Variants in TMEM117 observed in about 807,000 individuals in gnomAD.
TMEM117 encodes transmembrane protein 117.
TMEM117 carries 27 observed loss-of-function variants against 52.4 expected under a neutral mutation model. The ratio of observed to expected loss-of-function variants is 0.51; its 90% CI spans 0.38 to 0.71. The LOEUF (loss-of-function observed/expected upper bound fraction) is 0.71. Among genes scored for constraint, TMEM117 ranks in the 30% least tolerant of loss-of-function variants. The pLI is 0.00. For missense variants in TMEM117, 556 were observed against 630.5 expected, an observed-to-expected ratio of 0.88 and a Z score of 1.26; for synonymous variants, 215 against 206.3, an observed-to-expected ratio of 1.04 and a Z score of -0.36.
At chr12:44,016,573 G>T (rs1265528568) in intron 3 of TMEM117, among the ~76,000 whole-genome samples, 3 of 152,080 alleles carry the variant, frequency 2.0e-5, no homozygotes, top group Non-Finnish European at 1.5e-5. Context: ...TTCAATCAAT[G>T]AGTGTTTTAA....
chr12:44,027,199 A>ATTTTATTTTT (rs1199295546), intron 3 of TMEM117, among the ~76,000 whole-genome samples: 1 of 113,838 alleles, frequency 8.8e-6, no homozygotes, highest in Admixed American at 9.4e-5. Flanking sequence ...ATTTTATTTT[A>ATTTTATTTTT]ATTAGAGATG....
the TMEM117 span, among the ~76,000 whole-genome samples, chr12:44,395,773 G>A: frequency 6.6e-6 from 1 of 152,284 alleles, no homozygotes; most frequent in Non-Finnish European, 1.5e-5. Flanking sequence ...GATGCTGTAA[G>A]AATTTTCAGG....
intron 3 of TMEM117, among the ~76,000 whole-genome samples, chr12:44,024,839 T>G (rs1946507918): frequency 6.6e-6 from 1 of 152,198 alleles, no homozygotes; most frequent in Admixed American, 6.5e-5. Flanking sequence ...TATGTATATC[T>G]ACATATATAT....
chr12:44,278,560 T>C (rs1465598524), intron 5 of TMEM117, among the ~76,000 whole-genome samples: 2 of 152,238 alleles, frequency 1.3e-5, no homozygotes, highest in Non-Finnish European at 2.9e-5. Flanking sequence ...TGTTCCTCAA[T>C]GTGAGCTCTC....
At chr12:44,296,403 A>G (rs189283958) in intron 5 of TMEM117, among the ~76,000 whole-genome samples, 2 of 152,248 alleles carry the variant, frequency 1.3e-5, no homozygotes, top group African/African-American at 2.4e-5. Flanking sequence ...GTCACAGACA[A>G]ATGTACCTCC....
At chr12:44,025,446 C>G (rs10880616) in intron 3 of TMEM117, among the ~76,000 whole-genome samples, 29,493 of 151,952 alleles carry the variant, frequency 0.19, 4,482 homozygotes, top group African/African-American at 0.43. Context: ...AAAATAAACT[C>G]TATAGGTTAA....
chr12:43,884,356 A>G (rs943496048), intron 2 of TMEM117, among the ~76,000 whole-genome samples: 5 of 152,070 alleles, frequency 3.3e-5, no homozygotes, highest in African/African-American at 1.2e-4. Flanking sequence ...ATTATTTATT[A>G]GGTAAATCTC....
chr12:44,363,452 A>G (rs1412485544), intron 6 of TMEM117, among the ~76,000 whole-genome samples: 1 of 152,198 alleles, frequency 6.6e-6, no homozygotes, highest in Admixed American at 6.5e-5. Flanking sequence ...TCATTTAAGT[A>G]ACTTTAAAGG....
chr12:44,132,127 A>G (rs889022032), intron 3 of TMEM117, among the ~76,000 whole-genome samples: 2 of 150,434 alleles, frequency 1.3e-5, no homozygotes, highest in Admixed American at 1.3e-4. Context: ...GAATTTGGCC[A>G]TTTCACTGGG....
At chr12:44,298,107 G>A (rs1040760716) in intron 5 of TMEM117, among the ~76,000 whole-genome samples, 3 of 150,290 alleles carry the variant, frequency 2.0e-5, no homozygotes, top group Non-Finnish European at 2.9e-5. Flanking sequence ...AACATAAGAA[G>A]TGTTTCTTTA....
At chr12:44,345,205 A>G (rs991205098) in intron 6 of TMEM117, among the ~76,000 whole-genome samples, 3 of 152,064 alleles carry the variant, frequency 2.0e-5, no homozygotes, top group African/African-American at 4.8e-5. Flanking sequence ...ACTCACTGTC[A>G]GAAGGACTGT....
chr12:43,862,221 T>G (rs995028230), intron 2 of TMEM117, among the ~76,000 whole-genome samples: 27 of 152,140 alleles, frequency 1.8e-4, no homozygotes, highest in Non-Finnish European at 2.5e-4. Flanking sequence ...CAGGCTGGAG[T>G]GCAGTGGTGT....
Position 44,165,534 on chromosome 12 carries a change from A to AG in TMEM117, c.510+21911dup, listed in dbSNP as rs1948954501. Among the ~76,000 whole-genome samples, 3 of 152,342 alleles carry AG rather than the reference A, an allele frequency of 2.0e-5. No individual in the cohort carries two copies. In the South Asian group the frequency reaches 6.2e-4, roughly 32 times the overall value. ...ACACTGAAAGTGAAATGATGGAAAAAGATACTCCACACAAATGAAAACTAA... is the reference window on the plus strand; with the variant it reads ...ACACTGAAAGTGAAATGATGGAAAAAGGATACTCCACACAAATGAAAACTAA... On this transcript the variant is annotated intron_variant, in intron 4 of 7. Transcript: ENST00000266534.
At position 44,368,905 on chromosome 12, in the gene TMEM117, A is replaced by G. The variant is rs1461942186; in HGVS notation, c.769-7690A>G. Among the ~76,000 whole-genome samples, 7 of 152,102 alleles carry G rather than the reference A, an allele frequency of 4.6e-5. No homozygotes were observed. In the East Asian group the frequency reaches 9.6e-4, roughly 21 times the overall value. ...TATATAGTTAACTTTCATTCTTCTT[A>G]AGAACTGCCCACTAGATCAAGTTGT... On this transcript the variant is annotated intron_variant, in intron 6 of 7. Transcript: ENST00000266534.
At chr12:43,963,651 C>T (rs1945439892) in intron 3 of TMEM117, among the ~76,000 whole-genome samples, 1 of 152,144 alleles carries the variant, frequency 6.6e-6, no homozygotes, top group South Asian at 2.1e-4. Context: ...CATAGCCATA[C>T]AATGAGTGAT....
At chr12:44,215,850 C>T (rs895240879) in intron 5 of TMEM117, among the ~76,000 whole-genome samples, 2 of 151,976 alleles carry the variant, frequency 1.3e-5, no homozygotes, top group Non-Finnish European at 2.9e-5. Context: ...CTTCCAGACA[C>T]GTAAGAGGAT....
chr12:44,121,695 A>AG (rs1249495402), intron 3 of TMEM117, among the ~76,000 whole-genome samples: 1 of 151,970 alleles, frequency 6.6e-6, no homozygotes, highest in East Asian at 1.9e-4. Context: ...TATACAGATT[A>AG]TTTTTCTCTT....
chr12:43,994,025 G>T (rs907819348), intron 3 of TMEM117, among the ~76,000 whole-genome samples: 1 of 152,068 alleles, frequency 6.6e-6, no homozygotes, highest in Non-Finnish European at 1.5e-5. Flanking sequence ...AAGCTCATGA[G>T]AATGTTTTCA....
chr12:44,362,144 C>T (rs984790688), intron 6 of TMEM117, among the ~76,000 whole-genome samples: 27 of 151,998 alleles, frequency 1.8e-4, no homozygotes, highest in African/African-American at 6.5e-4. Context: ...AGTTTATTTC[C>T]TTTGCAAAAC....
Sources: allele counts gnomAD v4.1 joint callset (sites outside exome capture counted in the v4.1 genomes callset), GRCh38; gene constraint gnomAD v4.1.1; transcripts MANE v1.5; gene names NCBI Gene and HGNC (gene_info 2026-07-23, HGNC 2026-07-21).